The following CHST6 variants were observed in gnomAD, a reference collection of about 807,000 sequenced individuals.
CHST6 encodes the protein carbohydrate sulfotransferase 6.
For missense variants in CHST6, 698 were observed against 586.2 expected, an observed-to-expected ratio of 1.19 and a Z score of -1.97; for synonymous variants, 309 against 276.4, an observed-to-expected ratio of 1.12 and a Z score of -1.17.
At chr16:75,486,517 T>A (rs1287872640) in intron 1 of CHST6, among the ~76,000 whole-genome samples, 2 of 152,178 alleles carry the variant, frequency 1.3e-5, no homozygotes, top group Non-Finnish European at 2.9e-5. Flanking sequence ...ACACTGACCC[T>A]GCCCCCCCAG....
chr16:75,491,190 A>AAAAAAAAAAATATATAT (rs1206595857), intron 1 of CHST6, among the ~76,000 whole-genome samples: 1 of 50,088 alleles, frequency 2.0e-5, no homozygotes, highest in African/African-American at 1.1e-4. Context: ...AAAAAAAAAA[A>AAAAAAAAAAATATATAT]ATATATATAT....
chr16:75,491,913 A>G (rs375681595), intron 1 of CHST6, among the ~76,000 whole-genome samples: 43 of 152,208 alleles, frequency 2.8e-4, no homozygotes, highest in East Asian at 1.6e-3. Flanking sequence ...AAAAGGTGTC[A>G]GAGCTCCCAT....
Position 75,474,956 on chromosome 16 carries a change from T to G in CHST6, c.*3685A>C. ...CCTTACAGGCATGTGCCACCACACC[T>G]GGCTAATTTTTGTATTTTAACTAGA... On this transcript the variant is annotated 3_prime_UTR_variant, in exon 3 of 3. Transcript: ENST00000332272. 3.0e-6 allele frequency: 1 copy of G among 329,204 alleles called. No individual in the cohort carries two copies. The highest frequency in any genetic ancestry group is 1.6e-4 in the South Asian group (1 of 6,384). The allele number at this position is 329,204 out of a possible 1,614,324, so 20.4% of individuals were successfully genotyped here.
At chr16:75,492,378 G>A (rs1039953534) in intron 1 of CHST6, among the ~76,000 whole-genome samples, 1 of 152,206 alleles carries the variant, frequency 6.6e-6, no homozygotes, top group Non-Finnish European at 1.5e-5. Flanking sequence ...GTACGGAGTG[G>A]GACTGTGCTT....
In CHST6 at chr16:75,494,988, G is replaced by T. The variant is rs1422400555; in HGVS notation, c.-140C>A. 2 of 152,360 alleles carry T rather than the reference G, an allele frequency of 1.3e-5. No individual in the cohort carries two copies. Among genetic ancestry groups the T allele is most frequent in the East Asian group, 3.8e-4 (2 of 5,196 alleles). The allele number at this position is 152,360 out of a possible 1,614,324, so 9.4% of individuals were successfully genotyped here. A position where few individuals can be genotyped will look rare whatever the true frequency, so the allele number is the denominator to read the frequency against. ...GAGCTGCAGCGGCACGGTGGGGGAC[G>T]CCTCTCTCCCTGGACTCAGCAAAGG... On this transcript the variant is annotated 5_prime_UTR_variant, in exon 1 of 3. Coordinates refer to ENST00000332272, the MANE Select transcript of CHST6 (RefSeq NM_021615.5).
At position 75,474,252 on chromosome 16, in the gene CHST6, G is replaced by A. The variant is rs1307573979; in HGVS notation, c.*4389C>T. 1 of 229,442 alleles carries A rather than the reference G, an allele frequency of 4.4e-6. No homozygotes were observed. The highest frequency in any genetic ancestry group is 8.4e-6 in the Non-Finnish European group (1 of 118,936). The allele number at this position is 229,442 out of a possible 1,614,324, so 14.2% of individuals were successfully genotyped here. On this transcript the variant is annotated 3_prime_UTR_variant, in exon 3 of 3. Transcript: ENST00000332272. ...TAAAAAGTCTCTCTTAATCTGTTTTGTTTTGCTATAACAATACCACAGATG... is the reference window on the plus strand; with the variant it reads ...TAAAAAGTCTCTCTTAATCTGTTTTATTTTGCTATAACAATACCACAGATG...
chr16:75,479,738 G>T lies in CHST6; in HGVS notation c.91C>A (p.Pro31Thr). 6.2e-7 allele frequency: 1 copy of T among 1,604,570 alleles called. No individual in the cohort carries two copies. Among genetic ancestry groups the T allele is most frequent in the South Asian group, 1.1e-5 (1 of 90,190 alleles). Reference protein sequence around the residue: ...LLLFLVSRPGPSSPAGGEARV... With the variant: ...LLLFLVSRPGTSSPAGGEARV... ...GCCTCGCCGCCTGCTGGGGACGAGG[G>T]CCCTGGCCGGGAAACCAGAAAGAGG... Residue 31 changes from proline to threonine, a missense_variant, in exon 3 of 3, where the codon CCC (proline) becomes ACC (threonine). By Grantham distance (38) the Pro-to-Thr change is conservative (BLOSUM62 -1). Transcript: ENST00000332272.
chr16:75,481,218 G>A lies in CHST6; in HGVS notation c.-17+599C>T, dbSNP rs1462161369. Among the ~76,000 whole-genome samples the A allele has an allele frequency of 2.0e-5, 3 of 152,172 alleles. No homozygotes were observed. In the East Asian group the frequency reaches 5.8e-4, roughly 29 times the overall value. On this transcript the variant is annotated intron_variant, in intron 2 of 2. Coordinates refer to ENST00000332272, the MANE Select transcript of CHST6 (RefSeq NM_021615.5). Reference sequence around the variant, plus strand: ...TTGAGCCCAGGAGTTTGAGGTTGCAGTGAGCTTTGATCATGCCACTGCACT... The same window carrying A: ...TTGAGCCCAGGAGTTTGAGGTTGCAATGAGCTTTGATCATGCCACTGCACT...
intron 1 of CHST6, 80 bp from the exon 2 acceptor site, chr16:75,481,971 GA>G (rs1459627913): frequency 8.1e-5 from 34 of 418,950 alleles, no homozygotes; most frequent in South Asian, 6.0e-4. Flanking sequence ...TCTGAGGCTC[GA>G]TTTCCACTTC....
intron 1 of CHST6, among the ~76,000 whole-genome samples, chr16:75,485,642 G>C (rs1346541905): frequency 6.6e-6 from 1 of 152,172 alleles, no homozygotes; most frequent in Non-Finnish European, 1.5e-5. Context: ...AAATTTAAAA[G>C]ATGTGAAAAG....
rs1390124317 is a variant in CHST6, at chr16:75,474,663, G to A, written c.*3978C>T. The A allele has an allele frequency of 2.5e-6, 1 of 398,814 alleles. No homozygotes were observed. The highest frequency in any genetic ancestry group is 4.4e-6 in the Non-Finnish European group (1 of 226,336). 24.7% of individuals were successfully genotyped at this position (398,814 alleles called of 1,614,324 possible). A position where few individuals can be genotyped will look rare whatever the true frequency, so the allele number is the denominator to read the frequency against. On this transcript the variant is annotated 3_prime_UTR_variant, in exon 3 of 3. Coordinates refer to ENST00000332272, the MANE Select transcript of CHST6 (RefSeq NM_021615.5). Reference sequence around the variant, plus strand: ...ATCAAGGAGCCAGCATCTAGCGAGAGCCTTCTTGCTGTGTCCTAGCATGAT... The same window carrying A: ...ATCAAGGAGCCAGCATCTAGCGAGAACCTTCTTGCTGTGTCCTAGCATGAT...
intron 1 of CHST6, among the ~76,000 whole-genome samples, chr16:75,485,735 A>G (rs1340592032): frequency 6.6e-6 from 1 of 152,240 alleles, no homozygotes; most frequent in East Asian, 1.9e-4. Flanking sequence ...CAGGAAAGCC[A>G]GTGCTCAGGA....
chr16:75,481,295 C>G (rs1310629307), intron 2 of CHST6, among the ~76,000 whole-genome samples: 1 of 148,030 alleles, frequency 6.8e-6, no homozygotes, highest in Admixed American at 6.8e-5. Context: ...AGTACAATAT[C>G]AAAATGAGCA....
At chr16:75,490,951 A>G (rs1016296013) in intron 1 of CHST6, among the ~76,000 whole-genome samples, 2 of 152,014 alleles carry the variant, frequency 1.3e-5, no homozygotes, top group Non-Finnish European at 2.9e-5. Context: ...TGATATATAC[A>G]AAGTTCAATG....
chr16:75,485,806 G>A (rs1567413121), intron 1 of CHST6, among the ~76,000 whole-genome samples: 1 of 152,158 alleles, frequency 6.6e-6, no homozygotes, highest in Non-Finnish European at 1.5e-5. Context: ...CTGGCTATGT[G>A]ACGGTCAAGG....
At position 75,472,125 on chromosome 16, in the gene CHST6, A is replaced by G. The variant is rs2080028246; in HGVS notation, c.*6516T>C. On this transcript the variant is annotated 3_prime_UTR_variant, in exon 3 of 3. Transcript: ENST00000332272. Reference sequence around the variant, plus strand: ...CAAGACATAAAATCCACTGGCCATAAGGAAAGGATTCACATTCAACAATAT... The same window carrying G: ...CAAGACATAAAATCCACTGGCCATAGGGAAAGGATTCACATTCAACAATAT... 2 of 152,252 alleles carry G rather than the reference A, an allele frequency of 1.3e-5. No individual in the cohort carries two copies. Among genetic ancestry groups the G allele is most frequent in the African/African-American group, 4.8e-5 (2 of 41,474 alleles). The allele number at this position is 152,252 out of a possible 1,614,324, so 9.4% of individuals were successfully genotyped here.
Position 75,478,563 on chromosome 16 carries a change from C to T in CHST6, c.*78G>A. ...ACTCCTTGGTCAATATAGGGACCTG[C>T]TTCTCCGTGCGCCCCAGCCCCCTCT... On this transcript the variant is annotated 3_prime_UTR_variant, in exon 3 of 3. Transcript: ENST00000332272. 9.6e-6 allele frequency: 14 copies of T among 1,456,992 alleles called. No homozygotes were observed. In the South Asian group the frequency reaches 1.6e-4, roughly 17 times the overall value. The allele number at this position is 1,456,992 out of a possible 1,614,324, so 90.3% of individuals were successfully genotyped here. A position where few individuals can be genotyped will look rare whatever the true frequency, so the allele number is the denominator to read the frequency against.
chr16:75,481,391 G>A (rs1290471597), intron 2 of CHST6, among the ~76,000 whole-genome samples: 3 of 152,068 alleles, frequency 2.0e-5, no homozygotes, highest in Non-Finnish European at 4.4e-5. Flanking sequence ...TCAGGAGTTC[G>A]ACACCAACCT....
chr16:75,482,804 C>T (rs140949352), intron 1 of CHST6, among the ~76,000 whole-genome samples: 5 of 152,272 alleles, frequency 3.3e-5, no homozygotes, highest in Non-Finnish European at 5.9e-5. Flanking sequence ...CAGATCTCCT[C>T]TCTGCCCATT....
Sources: gnomAD v4.1 joint callset for allele counts (sites outside exome capture counted in the v4.1 genomes callset) on GRCh38, gnomAD v4.1.1 for gene constraint, MANE v1.5 for transcripts, NCBI Gene and HGNC (gene_info 2026-07-23, HGNC 2026-07-21) for gene names.